Variants in RALGDS observed in about 807,000 individuals in gnomAD.
RALGDS encodes the protein ral guanine nucleotide dissociation stimulator.
In RALGDS, 44 loss-of-function variants were observed where a neutral mutation model predicts 99.8. That is an observed-to-expected ratio of 0.44 (90% CI 0.35 to 0.57). RALGDS has a LOEUF of 0.57. Ranked by LOEUF, RALGDS falls within the 20% of genes least tolerant of loss-of-function variation. The probability of loss-of-function intolerance (pLI) is 0.01; values close to 1 mark genes in which losing one functional copy is unlikely to be tolerated. For missense variants in RALGDS, 1,022 were observed against 1,203.1 expected (o/e 0.85, Z 2.23); for synonymous variants, 529 against 505.0 (o/e 1.05, Z -0.64).
At chr9:133,109,478 C>G (rs545108939) in intron 4 of RALGDS, 148 bp downstream of exon 4, 1 of 792,366 alleles carries the variant, frequency 1.3e-6, no homozygotes, top group South Asian at 1.4e-5. Flanking sequence ...AGGCGAAGCC[C>G]CCAGACCCCA....
intron 1 of RALGDS, among the ~76,000 whole-genome samples, chr9:133,119,308 G>A (rs1236844780): frequency 4.8e-5 from 7 of 147,024 alleles, no homozygotes; most frequent in East Asian, 2.0e-4. Flanking sequence ...GGACTTCCCC[G>A]CCCCCTCCCT....
At chr9:133,129,192 G>T in intron 1 of RALGDS, 1 of 1,597,342 alleles carries the variant, frequency 6.3e-7, no homozygotes, top group East Asian at 2.2e-5. Flanking sequence ...GGGCTTTGGA[G>T]AGCGGCACGA....
chr9:133,142,139 C>G (rs1243475161), intron 1 of RALGDS, among the ~76,000 whole-genome samples: 1 of 152,146 alleles, frequency 6.6e-6, no homozygotes, highest in South Asian at 2.1e-4. Context: ...GGGTGGCTGG[C>G]AGAGTGGGGA....
At position 133,121,200 on chromosome 9, in the gene RALGDS, G is replaced by A. The variant is rs1312702712; in HGVS notation, c.-46C>T. ...GCGGGGCCGGCCCGGCGCGCGGCGG[G>A]GGCGGCGGCGCGGCCCGCGCGGCTG... On this transcript the variant is annotated 5_prime_UTR_variant, in exon 1 of 18. Coordinates refer to ENST00000372050, the MANE Select transcript of RALGDS (RefSeq NM_006266.4). The A allele has an allele frequency of 2.3e-6, 2 of 884,970 alleles. No homozygotes were observed. Among genetic ancestry groups the A allele is most frequent in the African/African-American group, 3.6e-5 (2 of 55,512 alleles). 54.8% of individuals were successfully genotyped at this position (884,970 alleles called of 1,614,324 possible). A position where few individuals can be genotyped will look rare whatever the true frequency, so the allele number is the denominator to read the frequency against.
rs759245614 is a variant in RALGDS at position 133,108,733 on chromosome 9, G to A, written c.718C>T (p.Arg240Cys). 1.4e-5 allele frequency: 22 copies of A among 1,613,588 alleles called. No homozygotes were observed. The highest frequency in any genetic ancestry group is 1.7e-5 in the Non-Finnish European group (20 of 1,180,034). The part of the protein sequence containing the change: ...LNMPGSDLER[R>C]AHLLLAQLEH... The stretch of plus-strand genomic sequence containing the variant: ...AGCTGGGCCAGGAGAAGGTGGGCAC[G>A]GCGCTCCAGGTCTGAGCCTGGCATG... The change falls in exon 5 of 18, where the codon CGT (arginine) becomes TGT (cysteine). Residue 240 changes from arginine to cysteine, a missense_variant. Coordinates refer to ENST00000372050, the MANE Select transcript of RALGDS (RefSeq NM_006266.4).
At chr9:133,138,878 A>G (rs1198551940) in intron 1 of RALGDS, among the ~76,000 whole-genome samples, 1 of 152,018 alleles carries the variant, frequency 6.6e-6, no homozygotes, top group African/African-American at 2.4e-5. Flanking sequence ...CAGGTGATCC[A>G]CCTGCCTCGA....
At chr9:133,121,925 T>C (rs1831964020), upstream of RALGDS, among the ~76,000 whole-genome samples, 1 of 115,852 alleles carries the variant, frequency 8.6e-6, no homozygotes, top group African/African-American at 3.2e-5. Context: ...GGTCAGAGAG[T>C]GGGGCCCTAC....
upstream of RALGDS, among the ~76,000 whole-genome samples, chr9:133,124,393 GAC>G (rs970779981): frequency 2.5e-4 from 38 of 152,276 alleles, no homozygotes; most frequent in African/African-American, 9.1e-4. Context: ...CATAGAGACA[GAC>G]ACAGAGGCTG....
chr9:133,102,194 C>T (rs1830789674), intron 14 of RALGDS, 55 bp from the exon 15 acceptor site: 5 of 1,528,322 alleles, frequency 3.3e-6, no homozygotes, highest in Non-Finnish European at 4.4e-6. Flanking sequence ...ATCCCAACCC[C>T]ACAGCCCCTG....
At chr9:133,131,347 G>A (rs1024086290), upstream of RALGDS, among the ~76,000 whole-genome samples, 1 of 151,884 alleles carries the variant, frequency 6.6e-6, no homozygotes, top group Non-Finnish European at 1.5e-5. Context: ...GGGGGGCCCT[G>A]AAACCTACCT....
In RALGDS at chr9:133,102,585, G is replaced by A. The variant is rs374463247; in HGVS notation, c.1914-14C>T. The A allele has an allele frequency of 3.8e-5, 62 of 1,613,324 alleles. No individual in the cohort carries two copies. In the African/African-American group the frequency reaches 7.2e-4, roughly 19 times the overall value. On this transcript the variant is annotated splice_polypyrimidine_tract_variant and intron_variant, in intron 13 of 17. Coordinates refer to ENST00000372050, the MANE Select transcript of RALGDS (RefSeq NM_006266.4). ...GACAGGTTGTAGCTATGAGCAGAGGGGCAGTGGTGTGACAACCAGGGGCCA... is the reference window on the plus strand; with the variant it reads ...GACAGGTTGTAGCTATGAGCAGAGGAGCAGTGGTGTGACAACCAGGGGCCA...
In RALGDS at chr9:133,144,132, C is replaced by T. The variant is rs560765832; in HGVS notation, c.18+4831G>A. Among the ~76,000 whole-genome samples, 3 of 152,244 alleles carry T rather than the reference C, an allele frequency of 2.0e-5. No homozygotes were observed. Among genetic ancestry groups the T allele is most frequent in the South Asian group, 2.1e-4 (1 of 4,828 alleles). On this transcript the variant is annotated intron_variant, in intron 1 of 17. Transcript: ENST00000393160. The surrounding 1 kb of genome is among the most constrained non-coding windows in gnomAD (Gnocchi z 4.5). ...CCCACCCGTGCCCAGGGCTGCCTTCCGAGCACCCGCAGACCTGGGCCTGCA... is the reference window on the plus strand; with the variant it reads ...CCCACCCGTGCCCAGGGCTGCCTTCTGAGCACCCGCAGACCTGGGCCTGCA...
chr9:133,114,847 A>C (rs1043655037), intron 1 of RALGDS, among the ~76,000 whole-genome samples: 1 of 152,184 alleles, frequency 6.6e-6, no homozygotes, highest in African/African-American at 2.4e-5. Context: ...GCCTGTAAAC[A>C]CACTGTCTGG....
intron 16 of RALGDS, 180 bp downstream of exon 16, chr9:133,101,340 C>A (rs951376898): frequency 2.0e-6 from 3 of 1,479,966 alleles, no homozygotes; most frequent in Non-Finnish European, 2.8e-6. Flanking sequence ...TTTCCTCCCC[C>A]TCTGCCCTCA....
rs1830925102 is a variant in RALGDS at position 133,104,599 on chromosome 9, G to C, written c.1603-268C>G. Reference sequence around the variant, plus strand: ...GGCCAAGGCAGGTGGATCACTTGAGGTCAGGAGTTTAAGACCAGCCTGGCC... The same window carrying C: ...GGCCAAGGCAGGTGGATCACTTGAGCTCAGGAGTTTAAGACCAGCCTGGCC... On this transcript the variant is annotated intron_variant, in intron 9 of 17. Transcript: ENST00000372050. The C allele has an allele frequency of 8.3e-6, 4 of 479,444 alleles. No individual in the cohort carries two copies. The South Asian group carries it at 8.7e-5, about 10-fold the overall frequency. The allele number at this position is 479,444 out of a possible 1,614,324, so 29.7% of individuals were successfully genotyped here. A position where few individuals can be genotyped will look rare whatever the true frequency, so the allele number is the denominator to read the frequency against.
Position 133,106,674 on chromosome 9 carries a change from A to T in RALGDS, c.1488T>A (p.Arg496=), listed in dbSNP as rs755243178. The T allele has an allele frequency of 6.2e-7, 1 of 1,612,042 alleles. No individual in the cohort carries two copies. Among genetic ancestry groups the T allele is most frequent in the Admixed American group, 1.7e-5 (1 of 59,928 alleles). ...LSALQSNSIH[R]LKKTWEDVSR... Reference sequence around the variant, plus strand: ...AAACGTCTTCCCACGTCTTCTTCAGACGGTGGATGGAGTTGCTCTGCAGGG... The same window carrying T: ...AAACGTCTTCCCACGTCTTCTTCAGTCGGTGGATGGAGTTGCTCTGCAGGG... The change falls in exon 8 of 18, where the codon CGT becomes CGA. Residue 496 remains arginine (R), a synonymous_variant. Coordinates refer to ENST00000372050, the MANE Select transcript of RALGDS (RefSeq NM_006266.4).
rs745773402 is a variant in RALGDS at position 133,098,737 on chromosome 9, G to A, written c.2595C>T (p.Asn865=). ...CGGTAGAGTTCATGGCATAGAAGAC[G>A]TTGGCGTTTTCAGGGATCTTCAGCT... ...DRKLKIPENA[N]VFYAMNSTAN... is the part of the protein sequence containing the mutation. Residue 865 remains asparagine (N), a synonymous_variant, in exon 18 of 18, where the codon AAC becomes AAT. Coordinates refer to ENST00000372050, the MANE Select transcript of RALGDS (RefSeq NM_006266.4). 4.8e-5 allele frequency: 77 copies of A among 1,613,946 alleles called. No individual in the cohort carries two copies. Among genetic ancestry groups the A allele is most frequent in the Admixed American group, 1.3e-4 (8 of 60,006 alleles).
intron 1 of RALGDS, among the ~76,000 whole-genome samples, chr9:133,148,411 C>A (rs1034960771): frequency 2.6e-5 from 4 of 152,134 alleles, no homozygotes; most frequent in Non-Finnish European, 5.9e-5. Context: ...TTGCCCCCCA[C>A]CCCGTGCCAT....
At chr9:133,141,457 A>AG (rs11438120) in intron 1 of RALGDS, among the ~76,000 whole-genome samples, 91,810 of 151,862 alleles carry the variant, frequency 0.6, 28,212 homozygotes, top group African/African-American at 0.66. Flanking sequence ...ATGGGAGCCC[A>AG]AGGGCAGGGC....
Sources: gnomAD v4.1 joint callset for allele counts (sites outside exome capture counted in the v4.1 genomes callset) on GRCh38, gnomAD v4.1.1 for gene constraint, Gnocchi (gnomAD v3.1) non-coding constraint, MANE v1.5 for transcripts, NCBI Gene and HGNC (gene_info 2026-07-23, HGNC 2026-07-21) for gene names.